CCN1: variants seen among roughly 807,000 people sequenced by gnomAD.
The protein encoded by CCN1 is CCN family member 1.
Under a neutral mutation model 38.1 loss-of-function variants are expected in CCN1, and 12 were observed. The observed-to-expected ratio is 0.31, with a 90% confidence interval of 0.20 to 0.51. The LOEUF is 0.51. Among genes scored for constraint, CCN1 ranks in the 20% least tolerant of loss-of-function variants. The pLI is 0.97. For synonymous variants in CCN1, 202 were observed against 196.1 expected, an observed-to-expected ratio of 1.03 and a Z score of -0.25; for missense variants, 466 against 490.9, an observed-to-expected ratio of 0.95 and a Z score of 0.48.
chr1:85,582,382 C>T, intron 3 of CCN1, 34 bp from the exon 4 acceptor site: 1 of 1,613,282 alleles, frequency 6.2e-7, no homozygotes. Flanking sequence ...TGTCGGTATG[C>T]CTCTGAGAAG....
chr1:85,582,121 C>G lies in CCN1; in HGVS notation c.471C>G (p.Cys157Trp), dbSNP rs370311375. 2.5e-6 allele frequency: 4 copies of G among 1,614,072 alleles called. No homozygotes were observed. In the African/African-American group the frequency reaches 5.3e-5, roughly 22 times the overall value. Reference protein sequence around the residue: ...NPRLVKVTGQCCEEWVCDEDS... With the variant: ...NPRLVKVTGQWCEEWVCDEDS... ...GGCTGGTCAAAGTTACCGGGCAGTGCTGCGAGGAGTGGGTCTGTGACGAGG... is the reference window on the plus strand; with the variant it reads ...GGCTGGTCAAAGTTACCGGGCAGTGGTGCGAGGAGTGGGTCTGTGACGAGG... Residue 157 changes from cysteine to tryptophan, a missense_variant, in exon 3 of 5, where the codon TGC becomes TGG. Coordinates refer to ENST00000451137, the MANE Select transcript of CCN1 (RefSeq NM_001554.5).
rs1659832205 is a variant in CCN1, at chr1:85,583,379, G to A, written c.*337G>A. On this transcript the variant is annotated 3_prime_UTR_variant, in exon 5 of 5. Coordinates refer to ENST00000451137, the MANE Select transcript of CCN1 (RefSeq NM_001554.5). ...TTTCTCTAGGCTTTTTTCCTTTTGG[G>A]GTTCTACAGTCGTAAAAGAGATAAT... is the stretch of plus-strand genomic sequence containing the variant. 1.7e-5 allele frequency: 5 copies of A among 290,142 alleles called. No individual in the cohort carries two copies. In the East Asian group the frequency reaches 2.9e-4, roughly 17 times the overall value. 18.0% of individuals were successfully genotyped at this position (290,142 alleles called of 1,614,324 possible).
chr1:85,581,370 C>A lies in CCN1; in HGVS notation c.69C>A (p.Leu23=). The A allele has an allele frequency of 6.3e-7, 1 of 1,585,692 alleles. No homozygotes were observed. The change falls in exon 2 of 5, where the codon CTC becomes CTA. Residue 23 remains leucine (L), a synonymous_variant. Transcript: ENST00000451137. ...GTATCTTCTCCCCCTTCCAGGCGCTCTCCACCTGCCCCGCTGCCTGCCACT... is the reference window on the plus strand; with the variant it reads ...GTATCTTCTCCCCCTTCCAGGCGCTATCCACCTGCCCCGCTGCCTGCCACT... ...VTLLHLTRLA[L]STCPAACHCP...
Position 85,583,089 on chromosome 1 carries a change from A to G in CCN1, c.*47A>G. 1 of 1,558,350 alleles carries G rather than the reference A, an allele frequency of 6.4e-7. No homozygotes were observed. Among genetic ancestry groups the G allele is most frequent in the Non-Finnish European group, 8.8e-7 (1 of 1,140,278 alleles). ...CACACCTAGACAAACAAGGGAGAAG[A>G]GTGTCAGAATCAGAATCATGGAGAA... is the stretch of plus-strand genomic sequence containing the variant. On this transcript the variant is annotated 3_prime_UTR_variant, in exon 5 of 5. Coordinates refer to ENST00000451137, the MANE Select transcript of CCN1 (RefSeq NM_001554.5).
chr1:85,581,653 C>A (rs1659794284), intron 2 of CCN1, 75 bp downstream of exon 2: 1 of 1,501,512 alleles, frequency 6.7e-7, no homozygotes, highest in Non-Finnish European at 9.1e-7. Flanking sequence ...AATTCTGAGA[C>A]CATGTATGGT....
rs1659807198 is a variant in CCN1, at chr1:85,582,286, T to TA, written c.634+4dup. ...GCAGCTCACTGAAGCGGCTCCCTGG[T>TA]AAGTGGAGACTGAGCACTTCAGACA... On this transcript the variant is annotated splice_region_variant and intron_variant, in intron 3 of 4. Coordinates refer to ENST00000451137, the MANE Select transcript of CCN1 (RefSeq NM_001554.5). 1 of 1,614,188 alleles carries TA rather than the reference T, an allele frequency of 6.2e-7. No homozygotes were observed. The highest frequency in any genetic ancestry group is 8.5e-7 in the Non-Finnish European group (1 of 1,180,018).
intron 1 of CCN1, 78 bp downstream of exon 1, chr1:85,581,125 C>A: frequency 6.7e-7 from 1 of 1,482,330 alleles, no homozygotes; most frequent in South Asian, 1.4e-5. Context: ...TTGCCCACGG[C>A]AGGAAAAGTT....
chr1:85,582,229 G>T lies in CCN1; in HGVS notation c.579G>T (p.Thr193=). The T allele has an allele frequency of 1.2e-6, 2 of 1,614,180 alleles. No homozygotes were observed. The highest frequency in any genetic ancestry group is 1.7e-6 in the Non-Finnish European group (2 of 1,180,038). ...TCGATGCCTCCGAGGTGGAGTTGAC[G>T]AGAAACAATGAATTGATTGCAGTTG... The part of the protein sequence containing the change: ...LGFDASEVEL[T]RNNELIAVGK... The change falls in exon 3 of 5, where the codon ACG becomes ACT. Residue 193 remains threonine, a synonymous_variant. Coordinates refer to ENST00000451137, the MANE Select transcript of CCN1 (RefSeq NM_001554.5).
chr1:85,583,046 C>T lies in CCN1; in HGVS notation c.*4C>T. 6.2e-7 allele frequency: 1 copy of T among 1,605,248 alleles called. No individual in the cohort carries two copies. Among genetic ancestry groups the T allele is most frequent in the Non-Finnish European group, 8.5e-7 (1 of 1,172,780 alleles). On this transcript the variant is annotated 3_prime_UTR_variant, in exon 5 of 5. Coordinates refer to ENST00000451137, the MANE Select transcript of CCN1 (RefSeq NM_001554.5). Reference sequence around the variant, plus strand: ...CATTCACAAATTTAGGGACTAAATGCTACCTGGGTTTCCAGGGCACACCTA... The same window carrying T: ...CATTCACAAATTTAGGGACTAAATGTTACCTGGGTTTCCAGGGCACACCTA...
At position 85,580,826 on chromosome 1, in the gene CCN1, G is replaced by C. The variant is rs1659754947; in HGVS notation, c.-159G>C. On this transcript the variant is annotated 5_prime_UTR_variant, in exon 1 of 5. Coordinates refer to ENST00000451137, the MANE Select transcript of CCN1 (RefSeq NM_001554.5). ...TCCGCGCCTTCTCCGCCGGGACCTC[G>C]AGCGAAAGACGCCCGCCCGCCGCCC... is the stretch of plus-strand genomic sequence containing the variant. 1 of 572,598 alleles carries C rather than the reference G, an allele frequency of 1.7e-6. No homozygotes were observed. The highest frequency in any genetic ancestry group is 2.6e-6 in the Non-Finnish European group (1 of 381,730). 35.5% of individuals were successfully genotyped at this position (572,598 alleles called of 1,614,324 possible).
intron 2 of CCN1, 84 bp downstream of exon 2, chr1:85,581,662 G>A: frequency 1.4e-6 from 2 of 1,471,412 alleles, no homozygotes; most frequent in South Asian, 2.5e-5. Context: ...ACCATGTATG[G>A]TGATGCTTTG....
chr1:85,583,899 C>A lies in CCN1; in HGVS notation c.*857C>A, dbSNP rs1659841398. 1 of 152,142 alleles carries A rather than the reference C, an allele frequency of 6.6e-6. No individual in the cohort carries two copies. Among genetic ancestry groups the A allele is most frequent in the African/African-American group, 2.4e-5 (1 of 41,430 alleles). The allele number at this position is 152,142 out of a possible 1,614,324, so 9.4% of individuals were successfully genotyped here. On this transcript the variant is annotated 3_prime_UTR_variant, in exon 5 of 5. Transcript: ENST00000451137. ...TGCATATAAAGTAATGTTTAAAAAA[C>A]ATGTATTGAACACGACATTGTATGA...
In CCN1 at chr1:85,580,989, G is replaced by A. The variant is rs1659760453; in HGVS notation, c.5G>A (p.Ser2Asn). MSSRIARALALV... is the reference protein window; with the variant it reads MNSRIARALALV... Reference sequence around the variant, plus strand: ...GGGCTACTCCTGCGCGCCACAATGAGCTCCCGCATCGCCAGGGCGCTCGCC... The same window carrying A: ...GGGCTACTCCTGCGCGCCACAATGAACTCCCGCATCGCCAGGGCGCTCGCC... Residue 2 changes from serine to asparagine, a missense_variant, in exon 1 of 5, where the codon AGC (serine) becomes AAC (asparagine). Around this residue, in one of 3 missense-constraint regions of CCN1, gnomAD observed 146 missense variants for 141.1 expected, o/e 1.03. Transcript: ENST00000451137. The A allele has an allele frequency of 1.2e-6, 2 of 1,604,514 alleles. No individual in the cohort carries two copies. Among genetic ancestry groups the A allele is most frequent in the Admixed American group, 1.7e-5 (1 of 58,996 alleles).
At chr1:85,582,343 T>G in intron 3 of CCN1, 59 bp downstream of exon 3, 3 of 1,613,166 alleles carry the variant, frequency 1.9e-6, no homozygotes, top group Non-Finnish European at 2.5e-6. Flanking sequence ...GTCTAAATCT[T>G]TGTAGAAATG....
rs1178040634 is a variant in CCN1 at position 85,582,028 on chromosome 1, C to T, written c.378C>T (p.Gly126=). ...AACATCAGTGCACATGTATTGATGGCGCCGTGGGCTGCATTCCTCTGTGTC... is the reference window on the plus strand; with the variant it reads ...AACATCAGTGCACATGTATTGATGGTGCCGTGGGCTGCATTCCTCTGTGTC... ...NCKHQCTCID[G]AVGCIPLCPQ... The change falls in exon 3 of 5, where the codon GGC becomes GGT. Residue 126 remains glycine, a synonymous_variant. Coordinates refer to ENST00000451137, the MANE Select transcript of CCN1 (RefSeq NM_001554.5). 8 of 1,614,038 alleles carry T rather than the reference C, an allele frequency of 5.0e-6. No individual in the cohort carries two copies. Among genetic ancestry groups the T allele is most frequent in the Non-Finnish European group, 6.8e-6 (8 of 1,180,024 alleles).
Position 85,582,080 on chromosome 1 carries a change from G to T in CCN1, c.430G>T (p.Gly144Cys). Residue 144 changes from glycine to cysteine, a missense_variant, in exon 3 of 5, where the codon GGC (glycine) becomes TGC (cysteine). By Grantham distance (159) the Gly-to-Cys change is radical. Around this residue, in one of 3 missense-constraint regions of CCN1, gnomAD observed 309 missense variants for 319.9 expected, o/e 0.97. Coordinates refer to ENST00000451137, the MANE Select transcript of CCN1 (RefSeq NM_001554.5). ...CCAAGAACTATCTCTCCCCAACTTG[G>T]GCTGTCCCAACCCTCGGCTGGTCAA... Reference protein sequence around the residue: ...CPQELSLPNLGCPNPRLVKVT... With the variant: ...CPQELSLPNLCCPNPRLVKVT... 1 of 1,614,114 alleles carries T rather than the reference G, an allele frequency of 6.2e-7. No homozygotes were observed. The highest frequency in any genetic ancestry group is 8.5e-7 in the Non-Finnish European group (1 of 1,180,028).
chr1:85,580,949 C>T lies in CCN1; in HGVS notation c.-36C>T, dbSNP rs758441251. The T allele has an allele frequency of 2.1e-5, 32 of 1,541,412 alleles. 1 individual carries two copies. In the South Asian group the frequency reaches 3.0e-4, roughly 15 times the overall value. ...CACACCAGCTTGTTGGCGTCTTCGT[C>T]GCCGCGCTCGCCCCGGGCTACTCCT... On this transcript the variant is annotated 5_prime_UTR_variant, in exon 1 of 5. Transcript: ENST00000451137.
chr1:85,581,265 C>T, intron 1 of CCN1, 100 bp from the exon 2 acceptor site: 1 of 1,315,762 alleles, frequency 7.6e-7, no homozygotes, highest in Non-Finnish European at 1.0e-6. Flanking sequence ...CAGAGGCTCC[C>T]CGTCGATAGG....
chr1:85,581,086 G>T (rs1321561630), intron 1 of CCN1, 39 bp downstream of exon 1: 3 of 1,577,150 alleles, frequency 1.9e-6, no homozygotes, highest in Admixed American at 1.8e-5. Context: ...TTCCCCGTCC[G>T]CTCTCCAGCC....
Sources: gnomAD v4.1 joint callset for allele counts on GRCh38, gnomAD v4.1.1 for gene constraint, gnomAD v4.1.1 regional missense constraint, MANE v1.5 for transcripts, NCBI Gene and HGNC (gene_info 2026-07-23, HGNC 2026-07-21) for gene names.